LRIF1: variants seen among roughly 807,000 people sequenced by gnomAD.
LRIF1 encodes ligand dependent nuclear receptor interacting factor 1, also known as ligand-dependent nuclear receptor-interacting factor 1.
A neutral mutation model predicts 52.7 loss-of-function variants in LRIF1; 32 were observed. The ratio of observed to expected loss-of-function variants is 0.61; its 90% confidence interval spans 0.46 to 0.82. The LOEUF (loss-of-function observed/expected upper bound fraction) is 0.82, where lower values mean the gene tolerates loss of function less well. Among genes scored for constraint, LRIF1 ranks in the 40% least tolerant of loss-of-function variants. The pLI, the probability that LRIF1 is intolerant of heterozygous loss-of-function variation, is 0.00. For missense variants in LRIF1, 887 were observed against 892.0 expected, an observed-to-expected ratio of 0.99 and a Z score of 0.07; for synonymous variants, 323 against 317.4, an observed-to-expected ratio of 1.02 and a Z score of -0.19.
the LRIF1 span, among the ~76,000 whole-genome samples, chr1:110,907,298 TG>T: frequency 6.6e-6 from 1 of 152,216 alleles, no homozygotes; most frequent in Non-Finnish European, 1.5e-5. Context: ...ATATATTTTT[TG>T]CTACCCTTTG....
At chr1:110,950,693 A>G (rs1351797735) in intron 2 of LRIF1, among the ~76,000 whole-genome samples, 3 of 152,064 alleles carry the variant, frequency 2.0e-5, no homozygotes, top group Admixed American at 6.5e-5. Flanking sequence ...GGAGTCACAA[A>G]GAGCTAATAA....
At chr1:110,882,421 G>C in the LRIF1 span, among the ~76,000 whole-genome samples, 8 of 151,774 alleles carry the variant, frequency 5.3e-5, no homozygotes, top group East Asian at 9.7e-4. Flanking sequence ...ACTCTATTCT[G>C]TTCTCTTGAT....
At chr1:110,925,657 T>C in the LRIF1 span, among the ~76,000 whole-genome samples, 1 of 152,034 alleles carries the variant, frequency 6.6e-6, no homozygotes, top group South Asian at 2.1e-4. Flanking sequence ...AGAGATAAGA[T>C]AAAAGGATGA....
At chr1:110,933,935 C>G in the LRIF1 span, among the ~76,000 whole-genome samples, 1 of 152,146 alleles carries the variant, frequency 6.6e-6, no homozygotes, top group African/African-American at 2.4e-5. Flanking sequence ...AGACCCCTTC[C>G]TTCTGCCTGA....
chr1:110,963,589 A>G, intron 1 of LRIF1, 32 bp downstream of exon 1: 1 of 1,581,682 alleles, frequency 6.3e-7, no homozygotes, highest in Non-Finnish European at 8.7e-7. Context: ...ACAGAGGGGC[A>G]GCCGTGGGGA....
At chr1:110,902,495 T>TAAAAAAAAAAAAAAA in the LRIF1 span, among the ~76,000 whole-genome samples, 55 of 72,644 alleles carry the variant, frequency 7.6e-4, no homozygotes, top group Non-Finnish European at 1.0e-3. Flanking sequence ...AATCAATCAC[T>TAAAAAAAAAAAAAAA]AAAAAAAAAA....
chr1:110,961,996 T>C (rs1658972515), intron 1 of LRIF1, among the ~76,000 whole-genome samples: 2 of 151,870 alleles, frequency 1.3e-5, no homozygotes, highest in African/African-American at 4.8e-5. Flanking sequence ...CTTATGAATG[T>C]AATTTGTAAT....
At chr1:110,896,224 A>C in the LRIF1 span, among the ~76,000 whole-genome samples, 1 of 152,214 alleles carries the variant, frequency 6.6e-6, no homozygotes, top group Admixed American at 6.5e-5. Context: ...CATAAGCCCC[A>C]TGAACTTAAA....
chr1:110,901,509 A>C, the LRIF1 span, among the ~76,000 whole-genome samples: 8 of 96,008 alleles, frequency 8.3e-5, no homozygotes, highest in Admixed American at 3.0e-4. Flanking sequence ...ACGGAGTCTC[A>C]CTCTGTGGCC....
At chr1:110,956,419 C>CA (rs956986360) in intron 1 of LRIF1, among the ~76,000 whole-genome samples, 2 of 152,020 alleles carry the variant, frequency 1.3e-5, no homozygotes, top group African/African-American at 2.4e-5. Context: ...TAAAATGAAA[C>CA]AGAGTCTAAA....
intron 2 of LRIF1, among the ~76,000 whole-genome samples, chr1:110,950,667 T>C (rs1658432266): frequency 6.6e-6 from 1 of 152,064 alleles, no homozygotes; most frequent in Non-Finnish European, 1.5e-5. Context: ...TGTGGGCATG[T>C]TGGGTAACTG....
chr1:110,935,438 A>G, the LRIF1 span, among the ~76,000 whole-genome samples: 1 of 152,250 alleles, frequency 6.6e-6, no homozygotes, highest in East Asian at 1.9e-4. Context: ...GAAATTCAAG[A>G]TAACACAGAG....
At chr1:110,925,302 T>C in the LRIF1 span, among the ~76,000 whole-genome samples, 757 of 152,314 alleles carry the variant, frequency 5.0e-3, 5 homozygotes, top group African/African-American at 0.017. Flanking sequence ...AGACTGCCTT[T>C]GGACTCAAAT....
chr1:110,895,598 G>A, the LRIF1 span, among the ~76,000 whole-genome samples: 2 of 152,312 alleles, frequency 1.3e-5, no homozygotes, highest in East Asian at 1.9e-4. Flanking sequence ...ATGAAAGCAC[G>A]CTGGCTTAGT....
the LRIF1 span, chr1:110,895,024 C>T: frequency 1.2e-6 from 2 of 1,613,922 alleles, no homozygotes; most frequent in East Asian, 4.5e-5. Flanking sequence ...GACAATAGCA[C>T]CAAGGCAGCG....
At chr1:110,926,910 T>C in the LRIF1 span, among the ~76,000 whole-genome samples, 83 of 152,156 alleles carry the variant, frequency 5.5e-4, 1 homozygote, top group Non-Finnish European at 1.1e-3. Flanking sequence ...GAAATAGATA[T>C]ACCAATGGAA....
chr1:110,888,631 G>A, the LRIF1 span, among the ~76,000 whole-genome samples: 6 of 151,966 alleles, frequency 3.9e-5, no homozygotes, highest in African/African-American at 7.3e-5. Flanking sequence ...ATATTTTTAC[G>A]TTAAGAAAAG....
the LRIF1 span, among the ~76,000 whole-genome samples, chr1:110,905,536 A>G: frequency 2.4e-4 from 37 of 152,312 alleles, no homozygotes; most frequent in Middle Eastern, 3.4e-3. Context: ...TAACCAGCAA[A>G]AATATCCTTC....
the LRIF1 span, among the ~76,000 whole-genome samples, chr1:110,876,735 G>A: frequency 1.3e-5 from 2 of 152,050 alleles, no homozygotes; most frequent in Admixed American, 1.3e-4. Flanking sequence ...ATTTTGAGAT[G>A]AGAATCCCTT....
Sources: gnomAD v4.1 joint callset for allele counts (sites outside exome capture counted in the v4.1 genomes callset) on GRCh38, gnomAD v4.1.1 for gene constraint, MANE v1.5 for transcripts, NCBI Gene and HGNC (gene_info 2026-07-23, HGNC 2026-07-21) for gene names.